The following KCNMA1 variants were observed in gnomAD, a reference collection of about 807,000 sequenced individuals.
KCNMA1 encodes Calcium-activated potassium channel subunit alpha-1.
A neutral mutation model predicts 140.0 loss-of-function variants in KCNMA1; 29 were observed. That is an observed-to-expected ratio of 0.21 (90% CI 0.15 to 0.28). KCNMA1 has a LOEUF of 0.28. Among genes scored for constraint, KCNMA1 ranks in the 10% least tolerant of loss-of-function variants. KCNMA1 has a pLI of 1.00. For synonymous variants in KCNMA1, 612 were observed against 611.9 expected (o/e 1.00, Z 0.00); for missense variants, 880 against 1,602.2 (o/e 0.55, Z 7.70).
intron 2 of KCNMA1, among the ~76,000 whole-genome samples, chr10:77,329,939 A>C (rs967308580): frequency 1.3e-5 from 2 of 152,232 alleles, no homozygotes; most frequent in East Asian, 3.8e-4. Flanking sequence ...ATAGCTTAAA[A>C]AGTGCTTGCC....
chr10:76,908,126 A>G (rs979544819), intron 25 of KCNMA1, among the ~76,000 whole-genome samples: 2 of 152,230 alleles, frequency 1.3e-5, no homozygotes, highest in Non-Finnish European at 2.9e-5. Context: ...TTCTAATGAG[A>G]TGAATTACCA....
chr10:77,122,497 G>A (rs572107184), intron 5 of KCNMA1, among the ~76,000 whole-genome samples: 4 of 151,884 alleles, frequency 2.6e-5, no homozygotes, highest in East Asian at 1.9e-4. Flanking sequence ...AACCGACCAC[G>A]GCGCAGAGTA....
chr10:76,974,257 G>A (rs1267213858), intron 19 of KCNMA1: 4 of 489,274 alleles, frequency 8.2e-6, no homozygotes, highest in Admixed American at 3.8e-5. Context: ...CAGGGCTTCC[G>A]ACTGAAGTCT....
At chr10:76,983,041 T>G (rs1003873188) in intron 19 of KCNMA1, among the ~76,000 whole-genome samples, 10 of 152,250 alleles carry the variant, frequency 6.6e-5, no homozygotes, top group African/African-American at 2.4e-4. Context: ...CTATTTCTTG[T>G]CTTCAACTAC....
chr10:77,567,185 C>G (rs146837757), intron 1 of KCNMA1, among the ~76,000 whole-genome samples: 248 of 152,318 alleles, frequency 1.6e-3, no homozygotes, highest in African/African-American at 5.7e-3. Context: ...TCAAGCTCAA[C>G]GCAATGTTCA....
chr10:76,917,578 GTTCCAT>G (rs2069279392), intron 23 of KCNMA1, among the ~76,000 whole-genome samples: 1 of 151,964 alleles, frequency 6.6e-6, no homozygotes, highest in Admixed American at 6.6e-5. Context: ...ACCAGGCCTG[GTTCCAT>G]TAGCATCTGC....
intron 2 of KCNMA1, among the ~76,000 whole-genome samples, chr10:77,317,272 C>G (rs1373628140): frequency 6.6e-6 from 1 of 152,172 alleles, no homozygotes; most frequent in Non-Finnish European, 1.5e-5. Flanking sequence ...CCACTTCCAC[C>G]TGGGAAGTGC....
At chr10:77,550,348 C>G (rs1162221293) in intron 1 of KCNMA1, among the ~76,000 whole-genome samples, 3 of 152,176 alleles carry the variant, frequency 2.0e-5, no homozygotes, top group Admixed American at 2.0e-4. Flanking sequence ...CATGTTTGGT[C>G]CTGGGAGGTG....
At chr10:76,921,748 G>A (rs1183781623) in intron 23 of KCNMA1, among the ~76,000 whole-genome samples, 2 of 152,118 alleles carry the variant, frequency 1.3e-5, no homozygotes, top group Non-Finnish European at 2.9e-5. Flanking sequence ...AACTTGTAGG[G>A]GAAGAAAATC....
At chr10:77,369,807 A>G (rs962548661) in intron 2 of KCNMA1, among the ~76,000 whole-genome samples, 4 of 152,212 alleles carry the variant, frequency 2.6e-5, no homozygotes, top group East Asian at 1.9e-4. Context: ...GAAATGTCCA[A>G]TTGAATGAGT....
At position 77,185,542 on chromosome 10, in the gene KCNMA1, G is replaced by A. The variant is rs918615357; in HGVS notation, c.603-626C>T. On this transcript the variant is annotated intron_variant, in intron 3 of 27. Coordinates refer to ENST00000286628, the MANE Select transcript of KCNMA1 (RefSeq NM_001161352.2). The stretch of plus-strand genomic sequence containing the variant: ...GGATCTGGGGAAAGAAGCATTGTCC[G>A]ACCAGTCAAATTCAGACCATTAAAC... Among the ~76,000 whole-genome samples the A allele has an allele frequency of 3.9e-5, 6 of 152,072 alleles. No individual in the cohort carries two copies. The East Asian group carries it at 5.8e-4, about 15-fold the overall frequency.
chr10:77,478,469 G>C (rs1490448177), intron 1 of KCNMA1, among the ~76,000 whole-genome samples: 1 of 152,200 alleles, frequency 6.6e-6, no homozygotes, highest in African/African-American at 2.4e-5. Context: ...GAATGCTACG[G>C]TGATTCTTAC....
intron 1 of KCNMA1, among the ~76,000 whole-genome samples, chr10:77,618,858 C>A (rs905210442): frequency 1.3e-5 from 2 of 152,204 alleles, no homozygotes; most frequent in Non-Finnish European, 2.9e-5. Flanking sequence ...CACTTACCAG[C>A]ACATCCCTGG....
intron 2 of KCNMA1, among the ~76,000 whole-genome samples, chr10:77,306,231 C>T (rs2077682457): frequency 6.6e-6 from 1 of 152,126 alleles, no homozygotes; most frequent in African/African-American, 2.4e-5. Flanking sequence ...TGCAAGGGTC[C>T]CTGAAAGGGA....
intron 9 of KCNMA1, among the ~76,000 whole-genome samples, chr10:77,102,959 C>G (rs570920725): frequency 2.0e-5 from 3 of 152,260 alleles, no homozygotes; most frequent in Admixed American, 6.5e-5. Flanking sequence ...CCCAACAAAA[C>G]CCAGCATCAT....
intron 2 of KCNMA1, among the ~76,000 whole-genome samples, chr10:77,295,767 G>A (rs1327952997): frequency 1.9e-5 from 2 of 105,138 alleles, no homozygotes; most frequent in African/African-American, 7.6e-5. Context: ...CGGCCTGGGC[G>A]ACAGAGCGAG....
At chr10:77,333,396 GAAAGA>G (rs147337166) in intron 2 of KCNMA1, among the ~76,000 whole-genome samples, 83,627 of 142,770 alleles carry the variant, frequency 0.59, 25,029 homozygotes, top group African/African-American at 0.77. Context: ...AAGAAAGAAA[GAAAGA>G]AAAGAAAAGA....
chr10:76,956,226 G>A (rs992325879), intron 20 of KCNMA1, among the ~76,000 whole-genome samples: 11 of 152,206 alleles, frequency 7.2e-5, no homozygotes, highest in Middle Eastern at 3.4e-3. Context: ...CCTGATGATC[G>A]ATCGCCCTTC....
chr10:77,549,252 T>C (rs2062162996), intron 1 of KCNMA1, among the ~76,000 whole-genome samples: 1 of 152,232 alleles, frequency 6.6e-6, no homozygotes, highest in Non-Finnish European at 1.5e-5. Context: ...TCCCTTATGA[T>C]ATCTCCCATA....
Sources: gnomAD v4.1 joint callset for allele counts (sites outside exome capture counted in the v4.1 genomes callset) on GRCh38, gnomAD v4.1.1 for gene constraint, MANE v1.5 for transcripts, NCBI Gene and HGNC (gene_info 2026-07-23, HGNC 2026-07-21) for gene names.